The following DENND4C variants were observed in gnomAD, a reference collection of about 807,000 sequenced individuals.
The protein encoded by DENND4C is DENN domain containing 4C.
A neutral mutation model predicts 203.0 loss-of-function variants in DENND4C; 108 were observed. That is an observed-to-expected ratio of 0.53 (90% confidence interval 0.46 to 0.62). The LOEUF (loss-of-function observed/expected upper bound fraction) is 0.62, where lower values mean the gene tolerates loss of function less well. DENND4C is among the 20% of genes least tolerant of loss of function. The pLI is 0.00. For missense variants in DENND4C, 2,481 were observed against 2,301.2 expected (o/e 1.08, Z -1.60); for synonymous variants, 871 against 792.4 (o/e 1.10, Z -1.67).
rs1343679719 is a variant in DENND4C, at chr9:19,374,032, T to TTGGTACTAG, written c.*1861_*1869dup. On this transcript the variant is annotated 3_prime_UTR_variant, in exon 33 of 33. Transcript: ENST00000434457. ...AGTATATATTTTTGCAACTCAAGAC[T>TTGGTACTAG]TGGTACTAGTTTTAATACTTAACAC... Among the ~76,000 whole-genome samples, 1 of 152,184 alleles carries TTGGTACTAG rather than the reference T, an allele frequency of 6.6e-6. No individual in the cohort carries two copies. The highest frequency in any genetic ancestry group is 1.5e-5 in the Non-Finnish European group (1 of 68,028).
chr9:19,364,539 A>G (rs899789156), intron 30 of DENND4C, among the ~76,000 whole-genome samples: 10 of 152,196 alleles, frequency 6.6e-5, no homozygotes, highest in South Asian at 4.1e-4. Flanking sequence ...TAAAGCAGGA[A>G]TGTCACTCTA....
chr9:19,288,516 G>A (rs374509812), intron 3 of DENND4C, 80 bp from the exon 4 acceptor site: 29 of 833,430 alleles, frequency 3.5e-5, no homozygotes, highest in East Asian at 2.4e-4. Context: ...GTAAATAAAT[G>A]AATCTTTAGT....
At chr9:19,335,323 T>G (rs1226186424) in intron 18 of DENND4C, among the ~76,000 whole-genome samples, 1 of 152,216 alleles carries the variant, frequency 6.6e-6, no homozygotes, top group Non-Finnish European at 1.5e-5. Flanking sequence ...AATCGAGCTA[T>G]TAAATAATTA....
chr9:19,251,072 A>T (rs541290979), intron 1 of DENND4C, among the ~76,000 whole-genome samples: 1 of 152,134 alleles, frequency 6.6e-6, no homozygotes, highest in Non-Finnish European at 1.5e-5. Context: ...TTTCCCTTCC[A>T]CACTGCCCTA....
intron 22 of DENND4C, among the ~76,000 whole-genome samples, chr9:19,344,902 A>G (rs1822492751): frequency 6.6e-6 from 1 of 152,164 alleles, no homozygotes; most frequent in Non-Finnish European, 1.5e-5. Flanking sequence ...TGAGTTCTGC[A>G]GAGGGCCCTC....
At chr9:19,255,620 G>A (rs1345505519) in intron 1 of DENND4C, among the ~76,000 whole-genome samples, 2 of 151,834 alleles carry the variant, frequency 1.3e-5, no homozygotes, top group Non-Finnish European at 2.9e-5. Context: ...AATGAAGAAG[G>A]GTAATTTTTT....
chr9:19,238,132 G>C (rs1188137920), intron 1 of DENND4C, among the ~76,000 whole-genome samples: 1 of 151,206 alleles, frequency 6.6e-6, no homozygotes, highest in Non-Finnish European at 1.5e-5. Context: ...GCCCAGGCTG[G>C]AGTGCAATGG....
At chr9:19,275,306 T>G (rs1429398362) in intron 1 of DENND4C, among the ~76,000 whole-genome samples, 3 of 148,036 alleles carry the variant, frequency 2.0e-5, no homozygotes, top group African/African-American at 7.5e-5. Context: ...CTCTTTTTTT[T>G]TTTTGAGACA....
chr9:19,311,658 G>A (rs749238895), intron 10 of DENND4C, among the ~76,000 whole-genome samples: 1 of 152,048 alleles, frequency 6.6e-6, no homozygotes, highest in South Asian at 2.1e-4. Context: ...CTTATTTAAT[G>A]CTTAAGCACC....
At chr9:19,318,655 A>G (rs1457748426) in intron 12 of DENND4C, among the ~76,000 whole-genome samples, 1 of 152,136 alleles carries the variant, frequency 6.6e-6, no homozygotes, top group Non-Finnish European at 1.5e-5. Flanking sequence ...AGCAGGTTTG[A>G]TTTCTTCTGA....
chr9:19,261,429 C>T (rs1305865573), intron 1 of DENND4C, among the ~76,000 whole-genome samples: 1 of 142,670 alleles, frequency 7.0e-6, no homozygotes, highest in Non-Finnish European at 1.5e-5. Context: ...TGCATTTAAT[C>T]TGTAGATTGT....
At position 19,293,546 on chromosome 9, in the gene DENND4C, G is replaced by C. The variant is rs535166036; in HGVS notation, c.802-2462G>C. ...GATATATATAATGACTAAACAGTTG[G>C]CAAGATTTATAAAACACAGAGGTAA... On this transcript the variant is annotated intron_variant, in intron 5 of 32. Coordinates refer to ENST00000434457, the MANE Select transcript of DENND4C (RefSeq NM_001330640.2). Among the ~76,000 whole-genome samples, 38 of 152,278 alleles carry C rather than the reference G, an allele frequency of 2.5e-4. 1 individual carries two copies. In the South Asian group the frequency reaches 7.9e-3, roughly 32 times the overall value.
At chr9:19,295,887 T>A in intron 5 of DENND4C, 121 bp from the exon 6 acceptor site, 1 of 702,652 alleles carries the variant, frequency 1.4e-6, no homozygotes. Context: ...AGATTTTTTT[T>A]TTCATAATTT....
chr9:19,246,628 C>CT lies in DENND4C; in HGVS notation c.-18+15807dup, dbSNP rs918591309. Among the ~76,000 whole-genome samples, 118 of 142,900 alleles carry CT rather than the reference C, an allele frequency of 8.3e-4. 1 individual carries two copies. Among genetic ancestry groups the CT allele is most frequent in the Middle Eastern group, 7.3e-3 (2 of 274 alleles). 93.7% of individuals were successfully genotyped at this position (142,900 alleles called of 152,430 possible). On this transcript the variant is annotated intron_variant, in intron 1 of 32. Transcript: ENST00000434457. ...GAAAATGATTCCTACTTGCAGACCA[C>CT]TTTTTTTTTTTTAAGCCAACTCATC...
intron 1 of DENND4C, among the ~76,000 whole-genome samples, chr9:19,250,336 T>C (rs1826246079): frequency 6.6e-6 from 1 of 152,142 alleles, no homozygotes; most frequent in African/African-American, 2.4e-5. Flanking sequence ...CCCAGCTACA[T>C]GGGAGGCTGA....
At chr9:19,243,704 A>G (rs1472446686) in intron 1 of DENND4C, among the ~76,000 whole-genome samples, 3 of 152,222 alleles carry the variant, frequency 2.0e-5, no homozygotes, top group Non-Finnish European at 4.4e-5. Flanking sequence ...GAATAATACT[A>G]CGTTCTATAG....
At chr9:19,357,899 C>G in intron 27 of DENND4C, 66 bp from the exon 28 acceptor site, 6 of 1,284,466 alleles carry the variant, frequency 4.7e-6, no homozygotes, top group South Asian at 1.6e-5. Context: ...AGAAAATACT[C>G]TAGCTCTACA....
At position 19,324,874 on chromosome 9, in the gene DENND4C, G is replaced by A. The variant is rs559242640; in HGVS notation, c.1953+367G>A. On this transcript the variant is annotated intron_variant, in intron 13 of 32. Transcript: ENST00000434457. ...AGCTGGGACTACAGGCATGTGCTAC[G>A]CCCAGCTAGTTTTTTTAATTTTTGG... Among the ~76,000 whole-genome samples, 16 of 152,112 alleles carry A rather than the reference G, an allele frequency of 1.1e-4. No individual in the cohort carries two copies. In the East Asian group the frequency reaches 2.9e-3, roughly 28 times the overall value.
chr9:19,267,443 A>G (rs756941920), intron 1 of DENND4C, among the ~76,000 whole-genome samples: 17 of 151,742 alleles, frequency 1.1e-4, no homozygotes, highest in South Asian at 2.1e-4. Flanking sequence ...TTCAGTTTCC[A>G]TTTGCCTGGA....
Sources: gnomAD v4.1 joint callset for allele counts (sites outside exome capture counted in the v4.1 genomes callset) on GRCh38, gnomAD v4.1.1 for gene constraint, MANE v1.5 for transcripts, NCBI Gene and HGNC (gene_info 2026-07-23, HGNC 2026-07-21) for gene names.